BMP2K: variants seen among roughly 807,000 people sequenced by gnomAD.
The protein encoded by BMP2K is BMP-2-inducible protein kinase.
A neutral mutation model predicts 116.0 loss-of-function variants in BMP2K; 74 were observed. The ratio of observed to expected loss-of-function variants is 0.64; its 90% CI spans 0.53 to 0.77. The LOEUF (loss-of-function observed/expected upper bound fraction) is 0.77, where lower values mean the gene tolerates loss of function less well. Ranked by LOEUF, BMP2K falls within the 30% of genes least tolerant of loss-of-function variation. The pLI is 0.00. For missense variants in BMP2K, 1,365 were observed against 1,403.6 expected (o/e 0.97, Z 0.44); for synonymous variants, 486 against 502.5 (o/e 0.97, Z 0.44).
intron 15 of BMP2K, among the ~76,000 whole-genome samples, chr4:78,901,480 T>C (rs1734003533): frequency 6.6e-6 from 1 of 152,224 alleles, no homozygotes; most frequent in African/African-American, 2.4e-5. Flanking sequence ...ACCTTTAAAA[T>C]GTAGAACCTG....
intron 4 of BMP2K, among the ~76,000 whole-genome samples, chr4:78,844,273 C>T (rs1052821003): frequency 6.6e-6 from 1 of 151,626 alleles, no homozygotes; most frequent in Non-Finnish European, 1.5e-5. Context: ...GCAGATTGTC[C>T]AAGGGTCCAT....
intron 1 of BMP2K, among the ~76,000 whole-genome samples, chr4:78,798,558 C>T (rs906269750): frequency 8.5e-5 from 13 of 152,152 alleles, no homozygotes; most frequent in Non-Finnish European, 1.3e-4. Context: ...TGACTGTTAA[C>T]GGTAGTCTTC....
At chr4:78,904,075 T>C (rs1271960873) in intron 15 of BMP2K, among the ~76,000 whole-genome samples, 1 of 151,948 alleles carries the variant, frequency 6.6e-6, no homozygotes, top group Non-Finnish European at 1.5e-5. Context: ...TGAAAGAGTA[T>C]TAAAGCCATC....
chr4:78,873,865 A>G (rs1369196239), intron 13 of BMP2K, among the ~76,000 whole-genome samples: 1 of 152,100 alleles, frequency 6.6e-6, no homozygotes, highest in African/African-American at 2.4e-5. Context: ...AGAGCAGAGT[A>G]TAGGTCAAAG....
At chr4:78,839,912 C>T (rs1412206536) in intron 3 of BMP2K, among the ~76,000 whole-genome samples, 10 of 152,074 alleles carry the variant, frequency 6.6e-5, no homozygotes, top group South Asian at 2.1e-4. Context: ...TTTCCCGGCC[C>T]GCTGACTCAA....
At chr4:78,896,730 CTG>C (rs757155775) in intron 15 of BMP2K, among the ~76,000 whole-genome samples, 15 of 152,272 alleles carry the variant, frequency 9.9e-5, no homozygotes, top group Admixed American at 2.0e-4. Context: ...AATATTTAAA[CTG>C]TTTTTTATCA....
intron 1 of BMP2K, among the ~76,000 whole-genome samples, chr4:78,778,238 A>G (rs1727340891): frequency 6.6e-6 from 1 of 152,218 alleles, no homozygotes; most frequent in African/African-American, 2.4e-5. Flanking sequence ...GACATTTCAC[A>G]AATTAGATTT....
intron 13 of BMP2K, among the ~76,000 whole-genome samples, chr4:78,874,994 C>G (rs1268487279): frequency 7.2e-5 from 11 of 152,148 alleles, no homozygotes; most frequent in African/African-American, 2.7e-4. Context: ...GTGCATAAGA[C>G]TTGTTTTACT....
chr4:78,800,332 A>C lies in BMP2K; in HGVS notation c.178+23611A>C, dbSNP rs140150938. ...TGAGATAGTTATACAAAGTGCATGC[A>C]TAAGCATCAACATGTTAGGGCTAGT... On this transcript the variant is annotated intron_variant, in intron 1 of 15. Coordinates refer to ENST00000502613, the MANE Select transcript of BMP2K (RefSeq NM_198892.2). Among the ~76,000 whole-genome samples, 48 of 152,330 alleles carry C rather than the reference A, an allele frequency of 3.2e-4. 3 individuals are homozygous for C. In the East Asian group the frequency reaches 9.1e-3, roughly 29 times the overall value.
intron 15 of BMP2K, among the ~76,000 whole-genome samples, chr4:78,890,404 GCACACACA>G (rs149825379): frequency 6.8e-6 from 1 of 147,968 alleles, no homozygotes; most frequent in African/African-American, 2.5e-5. Context: ...ACAATCATGC[GCACACACA>G]CACACACACA....
intron 15 of BMP2K, chr4:78,898,707 G>T (rs1733841879): frequency 6.7e-6 from 1 of 149,466 alleles, no homozygotes; most frequent in East Asian, 2.0e-4. Context: ...GCAACAAAAT[G>T]ACTACAGAAA....
intron 8 of BMP2K, chr4:78,860,063 G>A (rs771945550): frequency 9.9e-5 from 51 of 514,324 alleles, no homozygotes; most frequent in Non-Finnish European, 1.8e-4. Context: ...ACTGAGACAC[G>A]GAGCACTGTT....
chr4:78,839,106 A>G (rs1339175437), intron 3 of BMP2K, among the ~76,000 whole-genome samples: 3 of 152,230 alleles, frequency 2.0e-5, no homozygotes, highest in Non-Finnish European at 2.9e-5. Flanking sequence ...ATAGCATAAA[A>G]TAACTTTCGT....
At chr4:78,825,534 C>A (rs189523775) in intron 1 of BMP2K, among the ~76,000 whole-genome samples, 1 of 152,270 alleles carries the variant, frequency 6.6e-6, no homozygotes, top group Non-Finnish European at 1.5e-5. Context: ...AGTTACATAC[C>A]CAATCCTAAA....
chr4:78,788,796 T>C (rs1727861288), intron 1 of BMP2K, among the ~76,000 whole-genome samples: 1 of 151,904 alleles, frequency 6.6e-6, no homozygotes. Flanking sequence ...TCCATAGTGT[T>C]CGAGGTTGGA....
intron 1 of BMP2K, among the ~76,000 whole-genome samples, chr4:78,783,645 A>T (rs1056827621): frequency 2.0e-5 from 3 of 152,106 alleles, no homozygotes; most frequent in African/African-American, 7.2e-5. Flanking sequence ...ATCTCTACTA[A>T]AAACACAAAT....
chr4:78,871,197 T>C, intron 11 of BMP2K, 137 bp downstream of exon 11: 1 of 1,438,782 alleles, frequency 7.0e-7, no homozygotes, highest in South Asian at 1.4e-5. Flanking sequence ...TTTCTAATTA[T>C]GAAAGAATAC....
intron 3 of BMP2K, among the ~76,000 whole-genome samples, chr4:78,838,123 T>C (rs1730581912): frequency 6.6e-6 from 1 of 152,162 alleles, no homozygotes; most frequent in Admixed American, 6.5e-5. Flanking sequence ...AGTCACATCT[T>C]ATGTGGATGG....
chr4:78,813,724 T>C (rs1729199718), intron 1 of BMP2K, among the ~76,000 whole-genome samples: 1 of 152,202 alleles, frequency 6.6e-6, no homozygotes. Flanking sequence ...CCATGTACCT[T>C]GATTAAACAT....
Sources: allele counts gnomAD v4.1 joint callset (sites outside exome capture counted in the v4.1 genomes callset), GRCh38; gene constraint gnomAD v4.1.1; transcripts MANE v1.5; gene names NCBI Gene and HGNC (gene_info 2026-07-23, HGNC 2026-07-21).